CFAP54: variants seen among roughly 807,000 people sequenced by gnomAD.
The protein encoded by CFAP54 is cilia- and flagella-associated protein 54.
CFAP54 carries 290 observed loss-of-function variants against 370.4 expected under a neutral mutation model. The ratio of observed to expected loss-of-function variants is 0.78; its 90% CI spans 0.71 to 0.86. CFAP54 has a LOEUF of 0.86. CFAP54 is among the 40% of genes least tolerant of loss of function. The probability of loss-of-function intolerance (pLI) is 0.00; values close to 1 mark genes in which losing one functional copy is unlikely to be tolerated. For synonymous variants in CFAP54, 1,206 were observed against 1,236.5 expected, an observed-to-expected ratio of 0.98 and a Z score of 0.52; for missense variants, 3,399 against 3,528.7, an observed-to-expected ratio of 0.96 and a Z score of 0.93.
chr12:96,545,578 G>C (rs1955631455), intron 14 of CFAP54, among the ~76,000 whole-genome samples: 1 of 152,154 alleles, frequency 6.6e-6, no homozygotes, highest in Non-Finnish European at 1.5e-5. Flanking sequence ...GTCTATGAAT[G>C]AGTTAACCTA....
intron 26 of CFAP54, among the ~76,000 whole-genome samples, chr12:96,600,889 A>G (rs1413816884): frequency 6.6e-6 from 1 of 152,180 alleles, no homozygotes; most frequent in Non-Finnish European, 1.5e-5. Context: ...TAAATATACA[A>G]TCATGTCATC....
chr12:96,725,093 T>A (rs1375722730), intron 50 of CFAP54, among the ~76,000 whole-genome samples: 1 of 152,180 alleles, frequency 6.6e-6, no homozygotes, highest in Non-Finnish European at 1.5e-5. Flanking sequence ...GTAGTATAGT[T>A]TGAAGTCAGG....
At chr12:96,714,542 A>G (rs1957653013) in intron 48 of CFAP54, among the ~76,000 whole-genome samples, 1 of 152,204 alleles carries the variant, frequency 6.6e-6, no homozygotes, top group Non-Finnish European at 1.5e-5. Flanking sequence ...GAATCCACAA[A>G]GGAGACTGAG....
intron 4 of CFAP54, among the ~76,000 whole-genome samples, chr12:96,508,432 C>T (rs977209307): frequency 7.9e-5 from 12 of 151,628 alleles, no homozygotes; most frequent in East Asian, 1.9e-4. Flanking sequence ...ATGACAGGCA[C>T]GCCCCACCAC....
chr12:96,540,832 T>A lies in CFAP54; in HGVS notation c.1927-5T>A. On this transcript the variant is annotated splice_polypyrimidine_tract_variant and splice_region_variant and intron_variant, in intron 13 of 67. Coordinates refer to ENST00000524981, the MANE Select transcript of CFAP54 (RefSeq NM_001306084.2). ...TTAATTTTGCTGTGTATTTTCTCTT[T>A]TTAGTGGATTTATCTTCTGTGGCAG... The A allele has an allele frequency of 7.0e-7, 1 of 1,426,808 alleles. No homozygotes were observed. 88.4% of individuals were successfully genotyped at this position (1,426,808 alleles called of 1,614,324 possible).
chr12:96,560,714 G>C (rs1302307678), intron 17 of CFAP54, among the ~76,000 whole-genome samples: 3 of 152,116 alleles, frequency 2.0e-5, no homozygotes, highest in African/African-American at 7.2e-5. Flanking sequence ...TTATTAAGCT[G>C]ATGTCTGCCA....
intron 3 of CFAP54, among the ~76,000 whole-genome samples, chr12:96,504,819 C>T (rs1015420713): frequency 2.6e-5 from 4 of 152,206 alleles, no homozygotes; most frequent in Admixed American, 6.5e-5. Context: ...GAATACTGGG[C>T]GATGTAGGTT....
intron 39 of CFAP54, among the ~76,000 whole-genome samples, chr12:96,667,314 G>C (rs1019451242): frequency 2.6e-5 from 4 of 152,160 alleles, no homozygotes; most frequent in African/African-American, 9.7e-5. Flanking sequence ...CTGTGTGGGG[G>C]CTCCAACCCC....
At chr12:96,757,406 C>G in intron 57 of CFAP54, 89 bp from the exon 58 acceptor site, 1 of 660,264 alleles carries the variant, frequency 1.5e-6, no homozygotes, top group Non-Finnish European at 2.4e-6. Context: ...CAGTTTTTAC[C>G]TTTCATCAGC....
intron 32 of CFAP54, among the ~76,000 whole-genome samples, chr12:96,641,738 C>T (rs112290577): frequency 0.098 from 14,863 of 152,208 alleles, 901 homozygotes; most frequent in Middle Eastern, 0.16. Context: ...CCATGGAATA[C>T]TATGCAGCTA....
intron 4 of CFAP54, 39 bp from the exon 5 acceptor site, chr12:96,512,947 T>C: frequency 1.5e-6 from 2 of 1,334,604 alleles, no homozygotes; most frequent in Non-Finnish European, 2.0e-6. Context: ...TTCTATCATT[T>C]GACTGTAAAA....
chr12:96,758,464 G>A (rs1342957636), intron 58 of CFAP54, among the ~76,000 whole-genome samples: 1 of 152,102 alleles, frequency 6.6e-6, no homozygotes, highest in African/African-American at 2.4e-5. Context: ...ACTACCATGA[G>A]AACAGTATGG....
intron 67 of CFAP54, among the ~76,000 whole-genome samples, chr12:96,866,873 A>G (rs1315208587): frequency 2.0e-5 from 3 of 152,170 alleles, no homozygotes; most frequent in South Asian, 2.1e-4. Context: ...AAACAAAACA[A>G]TGTTCAGAAA....
chr12:96,513,081 T>G, intron 5 of CFAP54, 37 bp downstream of exon 5: 7 of 1,316,228 alleles, frequency 5.3e-6, no homozygotes, highest in Non-Finnish European at 7.1e-6. Flanking sequence ...TCCCCTCTAT[T>G]TCCTGTTTTA....
intron 22 of CFAP54, among the ~76,000 whole-genome samples, chr12:96,582,071 A>G (rs900075766): frequency 1.3e-5 from 2 of 152,158 alleles, no homozygotes; most frequent in African/African-American, 4.8e-5. Context: ...AGCTTCTCAC[A>G]CTATCACAGC....
chr12:96,730,689 G>A lies in CFAP54; in HGVS notation c.6966-9267G>A, dbSNP rs550780300. On this transcript the variant is annotated intron_variant, in intron 50 of 67. Transcript: ENST00000524981. ...CAAATTGAAATTTGGAAGAGGAGTT[G>A]CATTTAAGACTTTTAGACTGTCATT... 3.8e-3 allele frequency among the ~76,000 whole-genome samples: 585 copies of A among 152,274 alleles called. 5 individuals are homozygous for A. Among genetic ancestry groups the A allele is most frequent in the African/African-American group, 0.013 (549 of 41,556 alleles).
At chr12:96,724,614 A>G (rs1292343466) in intron 50 of CFAP54, among the ~76,000 whole-genome samples, 1 of 151,856 alleles carries the variant, frequency 6.6e-6, no homozygotes, top group African/African-American at 2.4e-5. Context: ...ATTTTCTTCC[A>G]TTTTGTAGGT....
In CFAP54 at chr12:96,534,058, C is replaced by T. The variant is rs1264462552; in HGVS notation, c.1540-4C>T. 4.6e-5 allele frequency: 69 copies of T among 1,513,538 alleles called. No individual in the cohort carries two copies. The East Asian group carries it at 1.7e-3, about 37-fold the overall frequency. The allele number at this position is 1,513,538 out of a possible 1,614,324, so 93.8% of individuals were successfully genotyped here. A position where few individuals can be genotyped will look rare whatever the true frequency, so the allele number is the denominator to read the frequency against. On this transcript the variant is annotated splice_region_variant and splice_polypyrimidine_tract_variant and intron_variant, in intron 10 of 67. Transcript: ENST00000524981. ...AATTAACGTGTGGGATATACTTCCC[C>T]AAGAGGCAGGATGATCCAGAGTCAA...
intron 43 of CFAP54, among the ~76,000 whole-genome samples, chr12:96,690,708 A>G (rs567970180): frequency 1.7e-4 from 26 of 152,230 alleles, no homozygotes; most frequent in African/African-American, 6.0e-4. Context: ...CCTTTCTGCC[A>G]TCGTTAGCTG....
Sources: allele counts gnomAD v4.1 joint callset (sites outside exome capture counted in the v4.1 genomes callset), GRCh38; gene constraint gnomAD v4.1.1; transcripts MANE v1.5; gene names NCBI Gene and HGNC (gene_info 2026-07-23, HGNC 2026-07-21).